The following BTBD8 variants were observed in gnomAD, a reference collection of about 807,000 sequenced individuals.
BTBD8 encodes BTB/POZ domain-containing protein 8.
In BTBD8, 110 loss-of-function variants were observed where a neutral mutation model predicts 162.9. The ratio of observed to expected loss-of-function variants is 0.68; its 90% CI spans 0.58 to 0.79. The LOEUF is 0.79. Ranked by LOEUF, BTBD8 falls within the 30% of genes least tolerant of loss-of-function variation. The pLI is 0.00. For synonymous variants in BTBD8, 667 were observed against 716.1 expected, an observed-to-expected ratio of 0.93 and a Z score of 1.10; for missense variants, 1,905 against 2,085.4, an observed-to-expected ratio of 0.91 and a Z score of 1.68.
At chr1:92,120,103 C>G (rs571538077) in intron 4 of BTBD8, among the ~76,000 whole-genome samples, 2 of 151,948 alleles carry the variant, frequency 1.3e-5, no homozygotes, top group African/African-American at 4.8e-5. Flanking sequence ...GTTTCACCAT[C>G]TCTAACTTGA....
intron 5 of BTBD8, among the ~76,000 whole-genome samples, chr1:92,137,717 A>AT (rs1406596835): frequency 1.3e-5 from 2 of 152,128 alleles, no homozygotes; most frequent in Non-Finnish European, 2.9e-5. Flanking sequence ...AGTGTTTCAG[A>AT]TTTTTTCAGA....
chr1:92,166,939 A>G lies in BTBD8; in HGVS notation c.1123-19A>G, dbSNP rs1192458149. ...AGCAGTAATAGCATCTAACTTTCCAATTTTTTTTTAAATCTAAGAATGATA... is the reference window on the plus strand; with the variant it reads ...AGCAGTAATAGCATCTAACTTTCCAGTTTTTTTTTAAATCTAAGAATGATA... On this transcript the variant is annotated intron_variant, in intron 9 of 17. Coordinates refer to ENST00000636805, the MANE Select transcript of BTBD8 (RefSeq NM_001376131.1). The G allele has an allele frequency of 1.5e-5, 22 of 1,505,320 alleles. No individual in the cohort carries two copies. The East Asian group carries it at 3.0e-4, about 21-fold the overall frequency. The allele number at this position is 1,505,320 out of a possible 1,614,324, so 93.2% of individuals were successfully genotyped here.
intron 4 of BTBD8, among the ~76,000 whole-genome samples, chr1:92,120,356 T>C (rs1296886013): frequency 1.3e-5 from 2 of 152,174 alleles, no homozygotes; most frequent in Non-Finnish European, 2.9e-5. Context: ...TTCGGGGCAG[T>C]AACGGACATG....
chr1:92,133,417 G>T (rs185805770), intron 5 of BTBD8, among the ~76,000 whole-genome samples: 240 of 152,280 alleles, frequency 1.6e-3, no homozygotes, highest in African/African-American at 5.5e-3. Context: ...GAGAGAAAAG[G>T]GTTCAAGTGA....
chr1:92,091,690 C>G (rs1223092253), intron 2 of BTBD8, among the ~76,000 whole-genome samples: 3 of 152,154 alleles, frequency 2.0e-5, no homozygotes, highest in African/African-American at 7.2e-5. Flanking sequence ...TCAAGTGAGT[C>G]TCCCGAGTAG....
chr1:92,181,145 T>C lies in BTBD8; in HGVS notation c.3462T>C (p.Asn1154=). 6 of 1,551,522 alleles carry C rather than the reference T, an allele frequency of 3.9e-6. No homozygotes were observed. The highest frequency in any genetic ancestry group is 5.2e-6 in the Non-Finnish European group (6 of 1,146,958). ...DVSLCNPERT[N]GTLNSAQEDK... is the part of the protein sequence containing the mutation. ...CACTGTGTAATCCTGAAAGGACAAA[T>C]GGTACCTTAAATTCTGCTCAAGAAG... Residue 1154 remains asparagine, a synonymous_variant, in exon 17 of 18, where the codon AAT becomes AAC. Coordinates refer to ENST00000636805, the MANE Select transcript of BTBD8 (RefSeq NM_001376131.1).
At chr1:92,165,303 G>A (rs544581334) in intron 9 of BTBD8, among the ~76,000 whole-genome samples, 2 of 152,032 alleles carry the variant, frequency 1.3e-5, no homozygotes, top group Non-Finnish European at 2.9e-5. Flanking sequence ...GGATACATTG[G>A]TGAGCTAAAA....
At chr1:92,136,504 C>T (rs1649638720) in intron 5 of BTBD8, among the ~76,000 whole-genome samples, 1 of 152,118 alleles carries the variant, frequency 6.6e-6, no homozygotes, top group South Asian at 2.1e-4. Context: ...ACTGCAGAGG[C>T]CCAGTATTAC....
intron 15 of BTBD8, 127 bp from the exon 16 acceptor site, chr1:92,178,185 G>T: frequency 2.7e-6 from 2 of 746,704 alleles, no homozygotes; most frequent in East Asian, 2.7e-5. Flanking sequence ...ATGAGCATAT[G>T]ATTTTTCTAT....
At position 92,181,043 on chromosome 1, in the gene BTBD8, G is replaced by A. The variant is rs775005922; in HGVS notation, c.3360G>A (p.Leu1120=). Residue 1120 remains leucine, a synonymous_variant, in exon 17 of 18, where the codon TTG becomes TTA. Coordinates refer to ENST00000636805, the MANE Select transcript of BTBD8 (RefSeq NM_001376131.1). ...LDSTSAGQIH[L]ISDRENQVGR... ...CAACAAGTGCAGGGCAAATCCATTT[G>A]ATATCAGATAGGGAGAACCAAGTAG... is the stretch of plus-strand genomic sequence containing the variant. 2 of 1,551,794 alleles carry A rather than the reference G, an allele frequency of 1.3e-6. No homozygotes were observed. Among genetic ancestry groups the A allele is most frequent in the South Asian group, 2.4e-5 (2 of 84,062 alleles).
At chr1:92,085,791 G>T (rs185225746) in intron 1 of BTBD8, among the ~76,000 whole-genome samples, 2 of 152,330 alleles carry the variant, frequency 1.3e-5, no homozygotes, top group East Asian at 3.9e-4. Context: ...ACTTTGGAAG[G>T]CTGAGGGGGA....
chr1:92,105,996 GGTTT>G (rs1490117760), intron 3 of BTBD8, among the ~76,000 whole-genome samples: 1 of 152,184 alleles, frequency 6.6e-6, no homozygotes, highest in Non-Finnish European at 1.5e-5. Flanking sequence ...GTTAGGTTTT[GGTTT>G]GTTTACATAC....
At chr1:92,105,534 T>C (rs1648704098) in intron 3 of BTBD8, among the ~76,000 whole-genome samples, 2 of 152,256 alleles carry the variant, frequency 1.3e-5, no homozygotes. Flanking sequence ...ATTATAGGCA[T>C]GAGCCACTGT....
chr1:92,114,072 C>A (rs1317716888), intron 4 of BTBD8, among the ~76,000 whole-genome samples: 5 of 149,486 alleles, frequency 3.3e-5, no homozygotes, highest in African/African-American at 1.2e-4. Flanking sequence ...ACATATAAAT[C>A]ATGACATGCT....
chr1:92,179,802 A>G (rs1199556472), intron 16 of BTBD8, among the ~76,000 whole-genome samples: 1 of 152,218 alleles, frequency 6.6e-6, no homozygotes, highest in African/African-American at 2.4e-5. Context: ...GAAGAAAACA[A>G]CTGCAACAAT....
At position 92,184,465 on chromosome 1, in the gene BTBD8, G is replaced by T; in HGVS notation, c.*135G>T. 1.8e-6 allele frequency: 1 copy of T among 553,048 alleles called. No individual in the cohort carries two copies. The highest frequency in any genetic ancestry group is 3.4e-5 in the South Asian group (1 of 29,104). 34.3% of individuals were successfully genotyped at this position (553,048 alleles called of 1,614,324 possible). On this transcript the variant is annotated 3_prime_UTR_variant, in exon 18 of 18. Coordinates refer to ENST00000636805, the MANE Select transcript of BTBD8 (RefSeq NM_001376131.1). Reference sequence around the variant, plus strand: ...TTTCCAATTTAATGAGGTAAACATAGTTTATTTATTAATATATCACATATA... The same window carrying T: ...TTTCCAATTTAATGAGGTAAACATATTTTATTTATTAATATATCACATATA...
Position 92,184,064 on chromosome 1 carries a change from C to G in BTBD8, c.5113C>G (p.Leu1705Val). 1 of 1,551,656 alleles carries G rather than the reference C, an allele frequency of 6.4e-7. No individual in the cohort carries two copies. Among genetic ancestry groups the G allele is most frequent in the Non-Finnish European group, 8.7e-7 (1 of 1,146,898 alleles). Residue 1705 changes from leucine to valine, a missense_variant, in exon 18 of 18, where the codon CTC becomes GTC. This residue lies in a region of BTBD8 where 517 missense variants were observed against 606.6 expected (regional missense o/e 0.85). Transcript: ENST00000636805. Reference sequence around the variant, plus strand: ...AGATTGGACACTACTAAAGCAACTGCTCTCTGAACAGGATTCAAACTTAGA... The same window carrying G: ...AGATTGGACACTACTAAAGCAACTGGTCTCTGAACAGGATTCAAACTTAGA... The part of the protein sequence containing the change: ...KQDWTLLKQL[L>V]SEQDSNLDVT...
At chr1:92,165,489 G>A (rs1650364726) in intron 9 of BTBD8, among the ~76,000 whole-genome samples, 1 of 151,182 alleles carries the variant, frequency 6.6e-6, no homozygotes, top group South Asian at 2.1e-4. Flanking sequence ...CAGGGAAGAT[G>A]TAGTGCTTCT....
intron 7 of BTBD8, among the ~76,000 whole-genome samples, chr1:92,142,967 C>G (rs1173141850): frequency 1.3e-5 from 2 of 152,216 alleles, no homozygotes; most frequent in African/African-American, 4.8e-5. Context: ...AGACCATGCT[C>G]TACTCTCTAT....
Sources: gnomAD v4.1 joint callset for allele counts (sites outside exome capture counted in the v4.1 genomes callset) on GRCh38, gnomAD v4.1.1 for gene constraint, gnomAD v4.1.1 regional missense constraint, MANE v1.5 for transcripts, NCBI Gene and HGNC (gene_info 2026-07-23, HGNC 2026-07-21) for gene names.